Variants in LDHC observed in about 807,000 individuals in gnomAD.
LDHC encodes the protein L-lactate dehydrogenase C chain.
A neutral mutation model predicts 30.2 loss-of-function variants in LDHC; 20 were observed. That is an observed-to-expected ratio of 0.66 (90% CI 0.47 to 0.96). The LOEUF (loss-of-function observed/expected upper bound fraction) is 0.96, where lower values mean the gene tolerates loss of function less well. LDHC is among the 40% of genes least tolerant of loss of function. LDHC has a pLI of 0.00. For synonymous variants in LDHC, 139 were observed against 132.7 expected, an observed-to-expected ratio of 1.05 and a Z score of -0.32; for missense variants, 362 against 394.9, an observed-to-expected ratio of 0.92 and a Z score of 0.71.
At position 18,446,313 on chromosome 11, in the gene LDHC, C is replaced by A; in HGVS notation, c.814C>A (p.Pro272Thr). The change falls in exon 7 of 8, where the codon CCA (proline) becomes ACA (threonine). Residue 272 changes from proline (P) to threonine (T), a missense_variant. Transcript: ENST00000541669. ...SILKNLRRVH[P>T]VSTMVKGLYG... ...TTTGAAAAATCTTAGGAGAGTGCAC[C>A]CAGTTTCCACCATGGTTAAGGTAGG... is the stretch of plus-strand genomic sequence containing the variant. 5 of 1,605,548 alleles carry A rather than the reference C, an allele frequency of 3.1e-6. No individual in the cohort carries two copies. The highest frequency in any genetic ancestry group is 4.3e-6 in the Non-Finnish European group (5 of 1,172,696).
intron 6 of LDHC, 116 bp downstream of exon 6, chr11:18,438,761 C>T (rs2643856): frequency 0.89 from 472,524 of 530,570 alleles, 210,738 homozygotes; most frequent in East Asian, 0.95. Flanking sequence ...ACTCTAGGCT[C>T]CTGAAAACCA....
At chr11:18,438,744 A>AT in intron 6 of LDHC, 99 bp downstream of exon 6, 1 of 633,390 alleles carries the variant, frequency 1.6e-6, no homozygotes. Flanking sequence ...TTTTTGTGAG[A>AT]TAAATAACTC....
chr11:18,443,437 G>C (rs777321918), intron 6 of LDHC, among the ~76,000 whole-genome samples: 24 of 150,820 alleles, frequency 1.6e-4, no homozygotes, highest in Non-Finnish European at 3.4e-4. Context: ...ACAGAGAATG[G>C]TAGTTCTTTC....
At chr11:18,448,179 A>C (rs1398933980) in intron 7 of LDHC, among the ~76,000 whole-genome samples, 1 of 152,144 alleles carries the variant, frequency 6.6e-6, no homozygotes, top group African/African-American at 2.4e-5. Context: ...GACTCTGGAG[A>C]AAGAGTCAGG....
chr11:18,442,986 T>C (rs750655938), intron 6 of LDHC, among the ~76,000 whole-genome samples: 3 of 152,142 alleles, frequency 2.0e-5, no homozygotes, highest in African/African-American at 4.8e-5. Context: ...CCAAACTATT[T>C]CCATAAGTAT....
At chr11:18,412,561 C>G in intron 1 of LDHC, 148 bp from the exon 2 acceptor site, 1 of 666,956 alleles carries the variant, frequency 1.5e-6, no homozygotes, top group Non-Finnish European at 2.5e-6. Context: ...GTAGACTGGG[C>G]CTTGCTTTAC....
intron 3 of LDHC, among the ~76,000 whole-genome samples, chr11:18,419,195 C>G (rs1867075388): frequency 6.6e-6 from 1 of 152,198 alleles, no homozygotes; most frequent in Non-Finnish European, 1.5e-5. Context: ...CTACTCAACT[C>G]TGCTCTTACA....
At chr11:18,445,921 G>A (rs1848545614) in intron 6 of LDHC, among the ~76,000 whole-genome samples, 1 of 152,142 alleles carries the variant, frequency 6.6e-6, no homozygotes, top group Admixed American at 6.5e-5. Flanking sequence ...GTTGCAGTGA[G>A]CCATGATCAC....
chr11:18,424,594 T>G (rs967249705), intron 3 of LDHC, among the ~76,000 whole-genome samples: 1 of 152,194 alleles, frequency 6.6e-6, no homozygotes, highest in Non-Finnish European at 1.5e-5. Context: ...TTATGCAGTG[T>G]AATATTGCAC....
chr11:18,412,965 TCCTCCCTC>T (rs1199635014), intron 2 of LDHC, 122 bp downstream of exon 2: 34 of 467,742 alleles, frequency 7.3e-5, no homozygotes, highest in African/African-American at 2.5e-4. Flanking sequence ...CTTTGACCTT[TCCTCCCTC>T]CCTCCCTCCC....
intron 2 of LDHC, among the ~76,000 whole-genome samples, chr11:18,414,189 G>A (rs535844398): frequency 2.6e-5 from 4 of 152,222 alleles, no homozygotes; most frequent in South Asian, 2.1e-4. Flanking sequence ...GTAATCTTCC[G>A]TCTTCCATTT....
At chr11:18,423,382 C>T (rs1048128387) in intron 3 of LDHC, among the ~76,000 whole-genome samples, 3 of 152,104 alleles carry the variant, frequency 2.0e-5, no homozygotes, top group Non-Finnish European at 4.4e-5. Context: ...TTATAAAGCA[C>T]TAATTATGTG....
In LDHC at chr11:18,422,552, T is replaced by C; in HGVS notation, c.245-7185T>C. On this transcript the variant is annotated intron_variant, in intron 3 of 7. Transcript: ENST00000541669. The stretch of plus-strand genomic sequence containing the variant: ...CTGGGCAACAGAGCAAGACTCCATC[T>C]CAAAAAAAAAAAAAAATCCATTGTA... Among the ~76,000 whole-genome samples, 2 of 115,686 alleles carry C rather than the reference T, an allele frequency of 1.7e-5. 1 individual carries two copies. Among genetic ancestry groups the C allele is most frequent in the South Asian group, 5.1e-4 (2 of 3,934 alleles). The allele number at this position is 115,686 out of a possible 152,430, so 75.9% of individuals were successfully genotyped here.
chr11:18,416,443 G>A (rs111785250), intron 3 of LDHC, among the ~76,000 whole-genome samples: 2,078 of 152,252 alleles, frequency 0.014, 52 homozygotes, highest in African/African-American at 0.047. Flanking sequence ...GTTTGGTAAT[G>A]TGATTCAACA....
At chr11:18,448,409 A>G (rs530187995) in intron 7 of LDHC, among the ~76,000 whole-genome samples, 16 of 151,996 alleles carry the variant, frequency 1.1e-4, no homozygotes, top group African/African-American at 3.6e-4. Flanking sequence ...TCAGCCTCCT[A>G]AGTAGCTGGG....
Position 18,449,388 on chromosome 11 carries a change from C to G in LDHC, c.835-1575C>G, listed in dbSNP as rs547404184. Among the ~76,000 whole-genome samples, 3 of 140,404 alleles carry G rather than the reference C, an allele frequency of 2.1e-5. No homozygotes were observed. The East Asian group carries it at 6.2e-4, about 29-fold the overall frequency. 92.1% of individuals were successfully genotyped at this position (140,404 alleles called of 152,430 possible). ...GCAACATTGAGCTATGACTGCACCA[C>G]TGCACTCCAGCCTGGGTGACACAGC... On this transcript the variant is annotated intron_variant, in intron 7 of 7. Coordinates refer to ENST00000541669, the MANE Select transcript of LDHC (RefSeq NM_017448.5).
intron 5 of LDHC, 101 bp downstream of exon 5, chr11:18,435,014 G>A (rs1049951632): frequency 9.4e-6 from 7 of 745,954 alleles, no homozygotes; most frequent in Middle Eastern, 5.7e-4. Flanking sequence ...AGTTGTATAA[G>A]TTTAATTTTT....
intron 4 of LDHC, among the ~76,000 whole-genome samples, chr11:18,432,452 ATGT>A (rs1309324356): frequency 6.6e-6 from 1 of 152,148 alleles, no homozygotes; most frequent in Non-Finnish European, 1.5e-5. Flanking sequence ...GTTAGATGAA[ATGT>A]TGTGTATATA....
chr11:18,440,583 C>T (rs1848447400), intron 6 of LDHC, among the ~76,000 whole-genome samples: 1 of 152,100 alleles, frequency 6.6e-6, no homozygotes, highest in Non-Finnish European at 1.5e-5. Context: ...TGTTAATGCA[C>T]TTAATGCCAC....
Sources: allele counts gnomAD v4.1 joint callset (sites outside exome capture counted in the v4.1 genomes callset), GRCh38; gene constraint gnomAD v4.1.1; transcripts MANE v1.5; gene names NCBI Gene and HGNC (gene_info 2026-07-23, HGNC 2026-07-21).